Variants in RSPH14 observed in about 807,000 individuals in gnomAD.
The protein encoded by RSPH14 is radial spoke head 14 homolog.
A neutral mutation model predicts 26.7 loss-of-function variants in RSPH14; 20 were observed. The ratio of observed to expected loss-of-function variants is 0.75; its 90% CI spans 0.53 to 1.09. RSPH14 has a LOEUF of 1.09. Among genes scored for constraint, RSPH14 ranks in the 50% least tolerant of loss-of-function variants. The pLI is 0.00. For synonymous variants in RSPH14, 177 were observed against 189.3 expected, an observed-to-expected ratio of 0.93 and a Z score of 0.53; for missense variants, 449 against 457.2, an observed-to-expected ratio of 0.98 and a Z score of 0.16.
intron 4 of RSPH14, among the ~76,000 whole-genome samples, chr22:23,069,005 C>T (rs1458296689): frequency 2.0e-5 from 3 of 152,228 alleles, no homozygotes; most frequent in African/African-American, 4.8e-5. Context: ...AACAAATATA[C>T]GTCCTGTTCC....
At chr22:23,158,783 C>T in the RSPH14 span, 1 of 912,812 alleles carries the variant, frequency 1.1e-6, no homozygotes, top group Non-Finnish European at 1.8e-6. Flanking sequence ...AGGAAGCCCT[C>T]CTTGTCCCTC....
At chr22:23,129,442 G>A (rs918118172) in intron 4 of RSPH14, among the ~76,000 whole-genome samples, 2 of 152,134 alleles carry the variant, frequency 1.3e-5, no homozygotes, top group Non-Finnish European at 2.9e-5. Context: ...GGTGCGCCCA[G>A]TGTTGGTGGA....
the RSPH14 span, among the ~76,000 whole-genome samples, chr22:23,166,605 G>A: frequency 1.3e-5 from 2 of 151,988 alleles, no homozygotes; most frequent in African/African-American, 2.4e-5. Context: ...TTCCCTTACC[G>A]TCCTGGTGGC....
the RSPH14 span, among the ~76,000 whole-genome samples, chr22:23,170,950 T>C: frequency 1.3e-5 from 2 of 152,114 alleles, no homozygotes; most frequent in African/African-American, 4.8e-5. Context: ...ACAGAAGTTT[T>C]AGCCTGTTGC....
At chr22:23,159,225 C>T in the RSPH14 span, 14 of 1,603,442 alleles carry the variant, frequency 8.7e-6, no homozygotes, top group South Asian at 2.2e-5. Context: ...AGATGCAGGC[C>T]GAGTACTGGT....
chr22:23,102,004 G>A (rs775188809), intron 4 of RSPH14, among the ~76,000 whole-genome samples: 4 of 152,218 alleles, frequency 2.6e-5, no homozygotes, highest in Non-Finnish European at 5.9e-5. Context: ...GCACTGGAGC[G>A]ATGGGGCCAG....
intron 4 of RSPH14, among the ~76,000 whole-genome samples, chr22:23,070,935 G>C (rs2068352206): frequency 6.6e-6 from 1 of 152,126 alleles, no homozygotes; most frequent in Admixed American, 6.5e-5. Flanking sequence ...GGGCGGGCCA[G>C]GCGAGCTGCG....
chr22:23,153,177 A>T, the RSPH14 span: 13 of 1,444,226 alleles, frequency 9.0e-6, no homozygotes, highest in Non-Finnish European at 1.3e-5. Context: ...AGCTTCCTAC[A>T]GGCACCTGAG....
Position 23,104,951 on chromosome 22 carries a change from C to T in RSPH14, c.421+29075G>A, listed in dbSNP as rs981539992. Among the ~76,000 whole-genome samples, 6 of 152,368 alleles carry T rather than the reference C, an allele frequency of 3.9e-5. No homozygotes were observed. In the South Asian group the frequency reaches 1.2e-3, roughly 32 times the overall value. ...CAGGGCAGAGTGAAAGGTGTTTCTT[C>T]TCTCTGCATGTGGCTCCCGTCTGGA... On this transcript the variant is annotated intron_variant, in intron 4 of 6. Coordinates refer to ENST00000216036, the MANE Select transcript of RSPH14 (RefSeq NM_014433.3).
chr22:23,095,891 T>C, intron 4 of RSPH14: 1 of 1,613,708 alleles, frequency 6.2e-7, no homozygotes, highest in Non-Finnish European at 8.5e-7. Flanking sequence ...CCTGGAGGCC[T>C]GCAAGGAGTA....
chr22:23,123,464 G>C, intron 4 of RSPH14: 1 of 1,437,576 alleles, frequency 7.0e-7, no homozygotes, highest in East Asian at 2.3e-5. Context: ...TGCCTATGGT[G>C]AAACCCACGG....
At chr22:23,100,734 G>T (rs1217248261) in intron 4 of RSPH14, among the ~76,000 whole-genome samples, 1 of 152,226 alleles carries the variant, frequency 6.6e-6, no homozygotes, top group East Asian at 1.9e-4. Flanking sequence ...GAGCGGGCGG[G>T]AGGCGGTAGG....
upstream of RSPH14, chr22:23,145,087 G>A: frequency 2.0e-6 from 1 of 509,650 alleles, no homozygotes; most frequent in Non-Finnish European, 3.5e-6. Context: ...TGCAGCTGCA[G>A]GGTGCTTGAC....
chr22:23,171,395 C>A, the RSPH14 span, among the ~76,000 whole-genome samples: 5 of 152,094 alleles, frequency 3.3e-5, no homozygotes, highest in African/African-American at 1.2e-4. Context: ...GCACTAAAGC[C>A]CAGAACTCCT....
intron 4 of RSPH14, among the ~76,000 whole-genome samples, chr22:23,098,582 C>A (rs761196416): frequency 2.6e-5 from 4 of 152,246 alleles, no homozygotes; most frequent in Admixed American, 6.5e-5. Flanking sequence ...CAGGCTGGCA[C>A]ACCCACCACC....
upstream of RSPH14, among the ~76,000 whole-genome samples, chr22:23,146,396 A>C (rs565313705): frequency 8.6e-5 from 13 of 150,716 alleles, no homozygotes; most frequent in South Asian, 2.7e-3. Context: ...TTTTTTGTAG[A>C]GACTGAGGTT....
chr22:23,146,720 C>A, upstream of RSPH14: 1 of 1,608,786 alleles, frequency 6.2e-7, no homozygotes, highest in Non-Finnish European at 8.5e-7. Flanking sequence ...GCTCTCCTGG[C>A]CCTGCAGCCA....
the RSPH14 span, among the ~76,000 whole-genome samples, chr22:23,167,912 G>T: frequency 1.3e-5 from 2 of 151,986 alleles, no homozygotes; most frequent in African/African-American, 4.8e-5. Context: ...GAGTGCAATG[G>T]CGTGATCATA....
chr22:23,158,056 T>G, the RSPH14 span: 21 of 1,614,006 alleles, frequency 1.3e-5, no homozygotes, highest in Admixed American at 1.7e-5. Flanking sequence ...AAGTCTGGGC[T>G]CTCTGGCCCC....
Sources: allele counts gnomAD v4.1 joint callset (sites outside exome capture counted in the v4.1 genomes callset), GRCh38; gene constraint gnomAD v4.1.1; transcripts MANE v1.5; gene names NCBI Gene and HGNC (gene_info 2026-07-23, HGNC 2026-07-21).